The following RDH12 variants were observed in gnomAD, a reference collection of about 807,000 sequenced individuals.
RDH12 encodes all-trans and 9-cis retinol dehydrogenase.
A neutral mutation model predicts 34.0 loss-of-function variants in RDH12; 21 were observed. That is an observed-to-expected ratio of 0.62 (90% CI 0.44 to 0.89). RDH12 has a LOEUF of 0.89. Ranked by LOEUF, RDH12 falls within the 40% of genes least tolerant of loss-of-function variation. The pLI is 0.00. For synonymous variants in RDH12, 198 were observed against 169.9 expected (o/e 1.17, Z -1.29); for missense variants, 394 against 398.6 (o/e 0.99, Z 0.10).
At position 67,729,314 on chromosome 14, in the gene RDH12, G is replaced by C. The variant is rs2140150922; in HGVS notation, c.782G>C (p.Gly261Ala). ...CCCTTTGTCAAGACGGCACGGGAGG[G>C]GGCGCAGACCAGCCTGCACTGCGCC... Reference protein sequence around the residue: ...FSPFVKTAREGAQTSLHCALA... With the variant: ...FSPFVKTAREAAQTSLHCALA... Residue 261 changes from glycine (G) to alanine (A), a missense_variant, in exon 8 of 9, where the codon GGG (glycine) becomes GCG (alanine). Coordinates refer to ENST00000551171, the MANE Select transcript of RDH12 (RefSeq NM_152443.3). 6.2e-7 allele frequency: 1 copy of C among 1,600,866 alleles called. No individual in the cohort carries two copies. The highest frequency in any genetic ancestry group is 8.5e-7 in the Non-Finnish European group (1 of 1,179,892).
intron 1 of RDH12, chr14:67,714,983 T>G (rs2038052158): frequency 6.6e-6 from 1 of 152,266 alleles, no homozygotes; most frequent in Admixed American, 6.5e-5. Context: ...AAAGGCAAGA[T>G]TCTTGCTGAG....
At chr14:67,728,809 C>T (rs900916670) in intron 7 of RDH12, among the ~76,000 whole-genome samples, 2 of 151,968 alleles carry the variant, frequency 1.3e-5, no homozygotes, top group African/African-American at 2.4e-5. Context: ...GTCCTACCCA[C>T]CACCTTCCAA....
At chr14:67,723,160 C>A (rs1461568713) in intron 3 of RDH12, among the ~76,000 whole-genome samples, 1 of 152,156 alleles carries the variant, frequency 6.6e-6, no homozygotes, top group African/African-American at 2.4e-5. Context: ...AGACTACCCT[C>A]AATTAATGTT....
intron 1 of RDH12, chr14:67,717,821 T>G (rs74061506): frequency 1.3e-5 from 2 of 152,134 alleles, no homozygotes; most frequent in African/African-American, 2.4e-5. Context: ...CCCAGCACTT[T>G]GAGAGACCAA....
At chr14:67,704,982 T>G (rs2037936293) in intron 1 of RDH12, among the ~76,000 whole-genome samples, 1 of 152,210 alleles carries the variant, frequency 6.6e-6, no homozygotes, top group Non-Finnish European at 1.5e-5. Context: ...GAAGCAGGTC[T>G]AGGTAGTCCA....
Position 67,734,235 on chromosome 14 carries a change from TACACTCCA to T in RDH12, c.*390_*397del, listed in dbSNP as rs1476564606. The T allele has an allele frequency of 1.6e-5, 4 of 246,344 alleles. No homozygotes were observed. The highest frequency in any genetic ancestry group is 1.4e-3 in the Middle Eastern group (1 of 702). The allele number at this position is 246,344 out of a possible 1,614,324, so 15.3% of individuals were successfully genotyped here. A position where few individuals can be genotyped will look rare whatever the true frequency, so the allele number is the denominator to read the frequency against. ...CATCACTGCCTATTTCTAGGGGCTA[TACACTCCA>T]ACTCTTGGTTGATCTCTTTCTTTTT... On this transcript the variant is annotated 3_prime_UTR_variant, in exon 9 of 9. Coordinates refer to ENST00000551171, the MANE Select transcript of RDH12 (RefSeq NM_152443.3).
intron 1 of RDH12, among the ~76,000 whole-genome samples, chr14:67,711,126 T>C (rs1348396264): frequency 6.6e-6 from 1 of 152,238 alleles, no homozygotes; most frequent in Non-Finnish European, 1.5e-5. Flanking sequence ...TTACTTCCTG[T>C]GGACTAGACC....
At chr14:67,728,656 G>T in intron 7 of RDH12, among the ~76,000 whole-genome samples, 1 of 149,258 alleles carries the variant, frequency 6.7e-6, no homozygotes, top group African/African-American at 2.5e-5. Context: ...TATGGCCCTG[G>T]CACATAATTG....
chr14:67,718,412 C>T (rs901378767), intron 1 of RDH12, among the ~76,000 whole-genome samples: 2 of 152,164 alleles, frequency 1.3e-5, no homozygotes, highest in African/African-American at 4.8e-5. Flanking sequence ...ACCAGGAGAC[C>T]AGTACAGTAT....
At chr14:67,733,402 T>C (rs950162004) in intron 8 of RDH12, among the ~76,000 whole-genome samples, 1 of 152,240 alleles carries the variant, frequency 6.6e-6, no homozygotes, top group African/African-American at 2.4e-5. Context: ...TAGTGATACC[T>C]GTGACTTTGT....
At chr14:67,713,759 A>G in intron 1 of RDH12, among the ~76,000 whole-genome samples, 1 of 152,062 alleles carries the variant, frequency 6.6e-6, no homozygotes, top group African/African-American at 2.4e-5. Context: ...GTCAGAGCAC[A>G]GTTTGGTTTT....
chr14:67,727,396 T>G (rs369096184), intron 7 of RDH12: 1 of 574,558 alleles, frequency 1.7e-6, no homozygotes, highest in African/African-American at 1.9e-5. Flanking sequence ...CTCAAAAAGT[T>G]ACCTTGTATT....
At chr14:67,706,354 A>T (rs2037950355) in intron 1 of RDH12, 1 of 152,252 alleles carries the variant, frequency 6.6e-6, no homozygotes, top group Admixed American at 6.5e-5. Context: ...TAATTTAGAA[A>T]GTTTATTTTC....
In RDH12 at chr14:67,729,491, G is replaced by A. The variant is rs563615793; in HGVS notation, c.848+111G>A. ...GTTTGTGCCTGATGATGCAATCCAG[G>A]TTTGGGTTGGGCCTGCAAACAGAAT... On this transcript the variant is annotated intron_variant, in intron 8 of 8. Coordinates refer to ENST00000551171, the MANE Select transcript of RDH12 (RefSeq NM_152443.3). 2.5e-4 allele frequency: 272 copies of A among 1,094,810 alleles called. 1 individual carries two copies. The African/African-American group carries it at 3.3e-3, about 13-fold the overall frequency. The allele number at this position is 1,094,810 out of a possible 1,614,324, so 67.8% of individuals were successfully genotyped here.
intron 1 of RDH12, among the ~76,000 whole-genome samples, chr14:67,708,922 A>G (rs1356882323): frequency 2.6e-5 from 4 of 151,634 alleles, no homozygotes; most frequent in Admixed American, 2.6e-4. Context: ...CCTCACGAGT[A>G]GCTGGGACTA....
intron 1 of RDH12, among the ~76,000 whole-genome samples, chr14:67,708,040 A>C (rs746402366): frequency 6.6e-5 from 10 of 152,232 alleles, no homozygotes; most frequent in Non-Finnish European, 7.3e-5. Context: ...ACAGATTCTT[A>C]CTGCACTTAC....
intron 1 of RDH12, among the ~76,000 whole-genome samples, chr14:67,707,947 G>C (rs1008112712): frequency 6.6e-6 from 1 of 152,154 alleles, no homozygotes; most frequent in Non-Finnish European, 1.5e-5. Flanking sequence ...AGTCAAGTTT[G>C]ATTCCAAGGG....
intron 8 of RDH12, 82 bp from the exon 9 acceptor site, chr14:67,733,664 A>G: frequency 2.2e-6 from 2 of 904,088 alleles, no homozygotes; most frequent in Non-Finnish European, 3.7e-6. Context: ...TTCATTTAGA[A>G]ACATTCTGAG....
chr14:67,730,714 C>T lies in RDH12; in HGVS notation c.848+1334C>T, dbSNP rs571372008. On this transcript the variant is annotated intron_variant, in intron 8 of 8. Transcript: ENST00000551171. ...AGCCTCCTGGGTTCAAGCGATTCTC[C>T]TGACTCAGCCTCCTGAGTAGCTGGG... 2.6e-5 allele frequency among the ~76,000 whole-genome samples: 4 copies of T among 152,264 alleles called. No homozygotes were observed. The East Asian group carries it at 7.7e-4, about 29-fold the overall frequency.
Sources: gnomAD v4.1 joint callset for allele counts (sites outside exome capture counted in the v4.1 genomes callset) on GRCh38, gnomAD v4.1.1 for gene constraint, MANE v1.5 for transcripts, NCBI Gene and HGNC (gene_info 2026-07-23, HGNC 2026-07-21) for gene names.